Variants in ZFYVE27 observed in about 807,000 individuals in gnomAD.
ZFYVE27 encodes the protein protrudin.
Under a neutral mutation model 52.8 loss-of-function variants are expected in ZFYVE27, and 36 were observed. That is an observed-to-expected ratio of 0.68 (90% CI 0.52 to 0.90). The LOEUF is 0.90. ZFYVE27 is among the 40% of genes least tolerant of loss of function. The pLI is 0.00. For synonymous variants in ZFYVE27, 223 were observed against 215.6 expected (o/e 1.03, Z -0.30); for missense variants, 450 against 527.2 (o/e 0.85, Z 1.43).
chr10:97,742,260 C>T (rs893137685), intron 2 of ZFYVE27, among the ~76,000 whole-genome samples: 8 of 151,924 alleles, frequency 5.3e-5, no homozygotes, highest in Admixed American at 6.6e-5. Context: ...ATTTGGGTGT[C>T]GTGGCTTCAT....
intron 3 of ZFYVE27, among the ~76,000 whole-genome samples, chr10:97,743,408 G>A (rs2044276852): frequency 6.6e-6 from 1 of 152,190 alleles, no homozygotes; most frequent in Non-Finnish European, 1.5e-5. Flanking sequence ...CTAGAGGGAG[G>A]ATAAAAATGA....
rs891153416 is a variant in ZFYVE27, at chr10:97,760,255, G to T, written c.*955G>T. ...GGGGGCCTGGGTAGTGTAGGATCTC[G>T]CTGGGCTGGGTCCTGGATTCCAGGG... is the stretch of plus-strand genomic sequence containing the variant. On this transcript the variant is annotated 3_prime_UTR_variant, in exon 13 of 13. Transcript: ENST00000684270. The T allele has an allele frequency of 1.3e-5, 2 of 152,136 alleles. No individual in the cohort carries two copies. The highest frequency in any genetic ancestry group is 4.8e-5 in the African/African-American group (2 of 41,408). 9.4% of individuals were successfully genotyped at this position (152,136 alleles called of 1,614,324 possible). A position where few individuals can be genotyped will look rare whatever the true frequency, so the allele number is the denominator to read the frequency against.
chr10:97,751,380 T>G lies in ZFYVE27; in HGVS notation c.805-11T>G, dbSNP rs2046961755. 6.2e-7 allele frequency: 1 copy of G among 1,613,462 alleles called. No homozygotes were observed. The highest frequency in any genetic ancestry group is 1.3e-5 in the African/African-American group (1 of 74,858). On this transcript the variant is annotated splice_polypyrimidine_tract_variant and intron_variant, in intron 7 of 12. Transcript: ENST00000684270. ...ATCCTTCTCCTTCTGTCATAGAGTCTCTCTTCCCAGGACCTCACACCGGGC... is the reference window on the plus strand; with the variant it reads ...ATCCTTCTCCTTCTGTCATAGAGTCGCTCTTCCCAGGACCTCACACCGGGC...
chr10:97,752,730 A>C, intron 8 of ZFYVE27, 127 bp from the exon 9 acceptor site: 1 of 1,074,636 alleles, frequency 9.3e-7, no homozygotes, highest in Non-Finnish European at 1.4e-6. Context: ...CCATTTGGGA[A>C]GTGCGCAGAG....
chr10:97,753,482 C>T (rs1331069772), intron 10 of ZFYVE27, among the ~76,000 whole-genome samples: 1 of 152,158 alleles, frequency 6.6e-6, no homozygotes, highest in Non-Finnish European at 1.5e-5. Flanking sequence ...GAACCATAAT[C>T]CTGACAGAAC....
chr10:97,754,653 G>T (rs1030239069), intron 10 of ZFYVE27: 109 of 1,287,950 alleles, frequency 8.5e-5, no homozygotes, highest in Admixed American at 1.4e-4. Context: ...CTTCTGCAGG[G>T]CATTCTGTAT....
At chr10:97,754,705 T>G (rs1222805253) in intron 10 of ZFYVE27, 2 of 1,289,392 alleles carry the variant, frequency 1.6e-6, no homozygotes, top group African/African-American at 1.5e-5. Flanking sequence ...ACATGTGTGA[T>G]CTCATTTCAT....
chr10:97,750,718 G>C (rs1190528471), intron 7 of ZFYVE27, among the ~76,000 whole-genome samples: 1 of 151,840 alleles, frequency 6.6e-6, no homozygotes, highest in Non-Finnish European at 1.5e-5. Context: ...TGGAGTGCAG[G>C]TTCTTTCTTT....
rs1301610681 is a variant in ZFYVE27 at position 97,752,874 on chromosome 10, G to A, written c.894G>A (p.Val298=). The change falls in exon 9 of 13, where the codon GTG becomes GTA. Residue 298 remains valine (V), a synonymous_variant. Coordinates refer to ENST00000684270, the MANE Select transcript of ZFYVE27 (RefSeq NM_001385875.1). The part of the protein sequence containing the change: ...KDAIEETHLV[V]LEDDEGAPCP... ...GGAGGCAGGAGACCCACTTGGTGGT[G>A]CTGGTAAGTGGAAGCCTTGGTGGGT... 1.2e-5 allele frequency: 19 copies of A among 1,613,930 alleles called. No homozygotes were observed. The highest frequency in any genetic ancestry group is 3.3e-5 in the South Asian group (3 of 91,074).
intron 5 of ZFYVE27, among the ~76,000 whole-genome samples, chr10:97,748,972 A>G (rs2046212782): frequency 3.3e-5 from 5 of 152,184 alleles, no homozygotes; most frequent in African/African-American, 7.2e-5. Context: ...AGGCTCTTTA[A>G]TATGAATAAT....
Position 97,744,866 on chromosome 10 carries a change from C to T in ZFYVE27, c.406C>T (p.Gln136Ter). ...TCATAGCGTGAGGCAGGAGGACCTG[C>T]AGAGAGGTCGCCTGTCTCGTCCCGA... ...KYHSVRQEDL[Q>*]RGRLSRPEAV... Residue 136 changes from glutamine (Q) to a stop codon, truncating the protein, a stop_gained, in exon 4 of 13, where the codon CAG (glutamine) becomes TAG (stop). Coordinates refer to ENST00000684270, the MANE Select transcript of ZFYVE27 (RefSeq NM_001385875.1). LOFTEE classifies it high-confidence loss of function. 1 of 1,610,808 alleles carries T rather than the reference C, an allele frequency of 6.2e-7. No individual in the cohort carries two copies. The highest frequency in any genetic ancestry group is 2.2e-5 in the East Asian group (1 of 44,856).
intron 7 of ZFYVE27, 124 bp from the exon 8 acceptor site, chr10:97,751,267 T>C: frequency 9.1e-7 from 1 of 1,097,234 alleles, no homozygotes; most frequent in Admixed American, 1.8e-5. Flanking sequence ...GTTCCTTCTT[T>C]CTTGCCATTG....
rs574768621 is a variant in ZFYVE27, at chr10:97,756,420, C to G, written c.1043-845C>G. On this transcript the variant is annotated intron_variant, in intron 10 of 12. Coordinates refer to ENST00000684270, the MANE Select transcript of ZFYVE27 (RefSeq NM_001385875.1). ...GACAGAGGAAGGGACCACATGTAGC[C>G]GTCAATAAAGCTTTGGGGCCTTTCT... Among the ~76,000 whole-genome samples, 3 of 152,132 alleles carry G rather than the reference C, an allele frequency of 2.0e-5. No individual in the cohort carries two copies. In the East Asian group the frequency reaches 5.8e-4, roughly 29 times the overall value.
chr10:97,757,117 T>C, intron 10 of ZFYVE27, 148 bp from the exon 11 acceptor site: 10 of 1,028,588 alleles, frequency 9.7e-6, no homozygotes, highest in Non-Finnish European at 1.3e-5. Flanking sequence ...TCTTTCTGTC[T>C]CTGAATCTGG....
chr10:97,742,403 T>TTGGTGG (rs1269858777), intron 2 of ZFYVE27, among the ~76,000 whole-genome samples: 1 of 151,968 alleles, frequency 6.6e-6, no homozygotes, highest in Non-Finnish European at 1.5e-5. Flanking sequence ...GCATTGCCAT[T>TTGGTGG]TGGTGGTGGT....
chr10:97,749,904 C>G (rs897846741), intron 6 of ZFYVE27: 1 of 418,436 alleles, frequency 2.4e-6, no homozygotes, highest in Admixed American at 3.6e-5. Context: ...GCCACCCATC[C>G]CCTGGGGTGC....
rs1237703319 is a variant in ZFYVE27 at position 97,760,162 on chromosome 10, C to A, written c.*862C>A. ...TGGCCCAGCACTCCAGTTTCCTTTC[C>A]CTGCCTCTTGTCCAATGGAGTGGGA... is the stretch of plus-strand genomic sequence containing the variant. On this transcript the variant is annotated 3_prime_UTR_variant, in exon 13 of 13. Transcript: ENST00000684270. The A allele has an allele frequency of 6.6e-6, 1 of 152,376 alleles. No individual in the cohort carries two copies. The highest frequency in any genetic ancestry group is 2.4e-5 in the African/African-American group (1 of 41,462). The allele number at this position is 152,376 out of a possible 1,614,324, so 9.4% of individuals were successfully genotyped here.
chr10:97,757,008 G>A (rs75852623), intron 10 of ZFYVE27, among the ~76,000 whole-genome samples: 3 of 152,278 alleles, frequency 2.0e-5, no homozygotes, highest in African/African-American at 7.2e-5. Context: ...GAACCTGTAG[G>A]TAGGGCCACT....
chr10:97,743,195 T>C, intron 3 of ZFYVE27, 31 bp downstream of exon 3: 1 of 1,613,422 alleles, frequency 6.2e-7, no homozygotes, highest in Non-Finnish European at 8.5e-7. Flanking sequence ...CCAGTGGTTT[T>C]TGTGAACGAA....
Sources: allele counts gnomAD v4.1 joint callset (sites outside exome capture counted in the v4.1 genomes callset), GRCh38; gene constraint gnomAD v4.1.1; transcripts MANE v1.5; gene names NCBI Gene and HGNC (gene_info 2026-07-23, HGNC 2026-07-21).